Variants in ATP5F1A observed in about 807,000 individuals in gnomAD.
ATP5F1A encodes ATP synthase F(1) complex subunit alpha, mitochondrial.
Under a neutral mutation model 57.4 loss-of-function variants are expected in ATP5F1A, and 24 were observed. The ratio of observed to expected loss-of-function variants is 0.42; its 90% confidence interval spans 0.30 to 0.59. ATP5F1A has a LOEUF of 0.59. Among genes scored for constraint, ATP5F1A ranks in the 20% least tolerant of loss-of-function variants. The pLI is 0.19. For missense variants in ATP5F1A, 494 were observed against 707.9 expected (o/e 0.70, Z 3.43); for synonymous variants, 251 against 255.5 (o/e 0.98, Z 0.17).
intron 1 of ATP5F1A, among the ~76,000 whole-genome samples, chr18:46,096,881 G>A (rs566396309): frequency 2.6e-5 from 4 of 151,224 alleles, no homozygotes; most frequent in Non-Finnish European, 5.9e-5. Context: ...TACTCGGGAG[G>A]CTGAGGTGGG....
At chr18:46,089,103 TA>T (rs1323874560) in intron 5 of ATP5F1A, among the ~76,000 whole-genome samples, 3 of 151,698 alleles carry the variant, frequency 2.0e-5, no homozygotes, top group African/African-American at 7.3e-5. Context: ...CACACCGAGA[TA>T]GTAGAGATAG....
Position 46,081,670 on chromosome 18 carries a change from A to ACC in ATP5F1A, c.*2611_*2612insGG, listed in dbSNP as rs1568240626. The ACC allele has an allele frequency of 9.7e-6, 1 of 103,392 alleles. No individual in the cohort carries two copies. The highest frequency in any genetic ancestry group is 4.0e-5 in the African/African-American group (1 of 25,226). 6.4% of individuals were successfully genotyped at this position (103,392 alleles called of 1,614,324 possible). ...CAAGAGCAAAACTCTCAAAAAAAAA[A>ACC]AACAAAAAAAAAAAAAAAAAAAAAA... On this transcript the variant is annotated 3_prime_UTR_variant, in exon 12 of 12. Transcript: ENST00000398752.
chr18:46,094,939 T>A, intron 2 of ATP5F1A, 114 bp downstream of exon 2: 2 of 1,368,772 alleles, frequency 1.5e-6, no homozygotes, highest in Non-Finnish European at 1.9e-6. Flanking sequence ...TGAGAGTCTA[T>A]ACAAACTAGA....
intron 2 of ATP5F1A, among the ~76,000 whole-genome samples, chr18:46,093,532 C>G (rs1209871224): frequency 6.6e-6 from 1 of 151,484 alleles, no homozygotes; most frequent in Non-Finnish European, 1.5e-5. Flanking sequence ...GAGCGAAACT[C>G]TGTCTCAAAA....
Position 46,091,763 on chromosome 18 carries a change from A to T in ATP5F1A, c.228T>A (p.Ser76Arg), listed in dbSNP as rs187219829. Residue 76 changes from serine to arginine, a missense_variant, in exon 3 of 12, where the codon AGT becomes AGA. This residue lies in a region of ATP5F1A where 142 missense variants were observed against 137.5 expected (regional missense o/e 1.03). Transcript: ENST00000398752. ...GTACGCGGGCAATACCATCACCAAT[A>T]CTTAAGACACGCCCAGTTTCTTCAA... ...VDLEETGRVL[S>R]IGDGIARVHG... The T allele has an allele frequency of 1.8e-5, 29 of 1,613,852 alleles. No individual in the cohort carries two copies. Among genetic ancestry groups the T allele is most frequent in the Non-Finnish European group, 2.3e-5 (27 of 1,179,996 alleles).
At position 46,082,728 on chromosome 18, in the gene ATP5F1A, C is replaced by T. The variant is rs1230176755; in HGVS notation, c.*1554G>A. The T allele has an allele frequency of 6.6e-6, 1 of 151,862 alleles. No individual in the cohort carries two copies. The highest frequency in any genetic ancestry group is 1.5e-5 in the Non-Finnish European group (1 of 67,980). The allele number at this position is 151,862 out of a possible 1,614,324, so 9.4% of individuals were successfully genotyped here. ...AAAAAGGTAACACATTAAGAATGAG[C>T]AAAGGCTATGAAAAATTAAAAGTAA... On this transcript the variant is annotated 3_prime_UTR_variant, in exon 12 of 12. Transcript: ENST00000398752.
chr18:46,085,231 G>A (rs1486600320), intron 10 of ATP5F1A: 2 of 150,176 alleles, frequency 1.3e-5, no homozygotes, highest in Admixed American at 6.7e-5. Context: ...AGATCAGCCT[G>A]GCCAAAATGG....
intron 1 of ATP5F1A, among the ~76,000 whole-genome samples, chr18:46,095,487 TTA>T (rs1910878035): frequency 6.6e-6 from 1 of 151,268 alleles, no homozygotes; most frequent in Non-Finnish European, 1.5e-5. Context: ...GGTTAATTTT[TTA>T]TATTTTTAGT....
At chr18:46,095,650 C>G (rs1479776244) in intron 1 of ATP5F1A, among the ~76,000 whole-genome samples, 1 of 151,724 alleles carries the variant, frequency 6.6e-6, no homozygotes, top group Non-Finnish European at 1.5e-5. Flanking sequence ...GGGTCTCACT[C>G]TTGTCACCCA....
chr18:46,090,186 T>C (rs1026856449), intron 3 of ATP5F1A, among the ~76,000 whole-genome samples, 190 bp from the exon 4 acceptor site: 4 of 152,222 alleles, frequency 2.6e-5, no homozygotes, highest in Non-Finnish European at 5.9e-5. Context: ...AATTGCTATT[T>C]TGAATAATCT....
Position 46,087,209 on chromosome 18 carries a change from A to C in ATP5F1A, c.975T>G (p.Ser325=), listed in dbSNP as rs150293962. ...GACCAGGGGGTCGGCGGAGCAACAG[A>C]GACATCTGACGGTAAGCAACAGCCT... is the stretch of plus-strand genomic sequence containing the variant. The part of the protein sequence containing the change: ...SKQAVAYRQM[S]LLLRRPPGRE... The change falls in exon 8 of 12, where the codon TCT becomes TCG. Residue 325 remains serine (S), a synonymous_variant. Coordinates refer to ENST00000398752, the MANE Select transcript of ATP5F1A (RefSeq NM_004046.6). 1.6e-5 allele frequency: 26 copies of C among 1,614,218 alleles called. No individual in the cohort carries two copies. Among genetic ancestry groups the C allele is most frequent in the Middle Eastern group, 1.6e-4 (1 of 6,062 alleles).
chr18:46,085,871 T>C (rs1446825234), intron 10 of ATP5F1A: 1 of 458,372 alleles, frequency 2.2e-6, no homozygotes, highest in African/African-American at 2.0e-5. Flanking sequence ...AGGTGGAGGT[T>C]GCAATGAGCC....
chr18:46,086,851 A>G (rs990154889), intron 8 of ATP5F1A, 157 bp downstream of exon 8: 1 of 784,154 alleles, frequency 1.3e-6, no homozygotes, highest in Non-Finnish European at 2.0e-6. Context: ...ATGGGGTTTC[A>G]CTATGCCATT....
At chr18:46,093,653 A>C (rs992148335) in intron 2 of ATP5F1A, among the ~76,000 whole-genome samples, 2 of 151,678 alleles carry the variant, frequency 1.3e-5, no homozygotes, top group Admixed American at 6.6e-5. Context: ...GCGAAACTCT[A>C]TCTCTACTAA....
At chr18:46,095,940 G>A (rs1910916437) in intron 1 of ATP5F1A, among the ~76,000 whole-genome samples, 1 of 151,724 alleles carries the variant, frequency 6.6e-6, no homozygotes, top group Non-Finnish European at 1.5e-5. Flanking sequence ...CCAAGCTGGA[G>A]TGCAGGGGCA....
chr18:46,090,840 G>A lies in ATP5F1A; in HGVS notation c.309+842C>T, dbSNP rs1237868095. On this transcript the variant is annotated intron_variant, in intron 3 of 11. Transcript: ENST00000398752. Reference sequence around the variant, plus strand: ...AGGTACCATATTAAACAGCACAGATGTATTCTCATCACTGCAGAATACTAC... The same window carrying A: ...AGGTACCATATTAAACAGCACAGATATATTCTCATCACTGCAGAATACTAC... Among the ~76,000 whole-genome samples the A allele has an allele frequency of 1.3e-5, 2 of 152,168 alleles. 1 individual carries two copies. Among genetic ancestry groups the A allele is most frequent in the Non-Finnish European group, 2.9e-5 (2 of 68,024 alleles).
upstream of ATP5F1A, among the ~76,000 whole-genome samples, chr18:46,102,362 C>T (rs548679249): frequency 7.2e-5 from 11 of 151,752 alleles, no homozygotes; most frequent in African/African-American, 1.9e-4. Flanking sequence ...CTCACTCTGT[C>T]GCCCAGGCTG....
intron 10 of ATP5F1A, chr18:46,085,548 G>C (rs1910022886): frequency 6.6e-6 from 1 of 151,738 alleles, no homozygotes; most frequent in South Asian, 2.1e-4. Context: ...AGGACTGCTT[G>C]AGCCCAGGAG....
intron 1 of ATP5F1A, 116 bp from the exon 2 acceptor site, chr18:46,095,247 T>C (rs1910856394): frequency 1.1e-6 from 1 of 923,008 alleles, no homozygotes; most frequent in Non-Finnish European, 1.6e-6. Flanking sequence ...GCTAATTACA[T>C]ATAAAGCATT....
Sources: gnomAD v4.1 joint callset for allele counts (sites outside exome capture counted in the v4.1 genomes callset) on GRCh38, gnomAD v4.1.1 for gene constraint, gnomAD v4.1.1 regional missense constraint, MANE v1.5 for transcripts, NCBI Gene and HGNC (gene_info 2026-07-23, HGNC 2026-07-21) for gene names.